CEACAM18: variants seen among roughly 807,000 people sequenced by gnomAD.
The protein encoded by CEACAM18 is cell adhesion molecule CEACAM18.
A neutral mutation model predicts 34.3 loss-of-function variants in CEACAM18; 33 were observed. That is an observed-to-expected ratio of 0.96 (90% confidence interval 0.73 to 1.29). The LOEUF (loss-of-function observed/expected upper bound fraction) is 1.29. Ranked by LOEUF, CEACAM18 falls within the 50% of genes most tolerant of loss-of-function variation. The pLI, the probability that CEACAM18 is intolerant of heterozygous loss-of-function variation, is 0.00. For synonymous variants in CEACAM18, 169 were observed against 180.9 expected (o/e 0.93, Z 0.53); for missense variants, 474 against 485.0 (o/e 0.98, Z 0.21).
In CEACAM18 at chr19:51,478,940, A is replaced by ACACGCG. The variant is rs376187133; in HGVS notation, c.52+247_52+248insACGCGC. 2.3e-3 allele frequency among the ~76,000 whole-genome samples: 318 copies of ACACGCG among 139,348 alleles called. 5 individuals are homozygous for ACACGCG. In the East Asian group the frequency reaches 0.033, roughly 15 times the overall value. The allele number at this position is 139,348 out of a possible 152,430, so 91.4% of individuals were successfully genotyped here. A position where few individuals can be genotyped will look rare whatever the true frequency, so the allele number is the denominator to read the frequency against. On this transcript the variant is annotated intron_variant, in intron 1 of 5. Coordinates refer to ENST00000396477, the Ensembl canonical transcript of CEACAM18. ...CCCACACATGTGGTGTTACACACAC[A>ACACGCG]CGCACACGCACATGCACACACACAC...
chr19:51,481,724 T>C lies in CEACAM18; in HGVS notation c.673+59T>C, dbSNP rs532790176. Reference sequence around the variant, plus strand: ...GGCTGGTCTCAGGGCTTTCTAGGGATAGGAATATGTTAGGACAGGCTGAGC... The same window carrying C: ...GGCTGGTCTCAGGGCTTTCTAGGGACAGGAATATGTTAGGACAGGCTGAGC... On this transcript the variant is annotated intron_variant, in intron 3 of 5. Coordinates refer to ENST00000396477, the Ensembl canonical transcript of CEACAM18. 3.2e-6 allele frequency: 5 copies of C among 1,540,348 alleles called. No homozygotes were observed. The South Asian group carries it at 5.0e-5, about 15-fold the overall frequency.
intron 4 of CEACAM18, among the ~76,000 whole-genome samples, chr19:51,484,258 C>A (rs537254229): frequency 6.6e-6 from 1 of 151,938 alleles, no homozygotes; most frequent in African/African-American, 2.4e-5. Context: ...TCCAAGTCAT[C>A]GATTCACATT....
intron 4 of CEACAM18, among the ~76,000 whole-genome samples, chr19:51,483,548 A>G (rs924189926): frequency 2.0e-5 from 3 of 151,824 alleles, no homozygotes; most frequent in Non-Finnish European, 4.4e-5. Flanking sequence ...AGCACTTACT[A>G]TGTGCCCGCC....
chr19:51,483,139 C>A (rs973333412), exon 4 of CEACAM18: 1 of 1,613,890 alleles, frequency 6.2e-7, no homozygotes, highest in African/African-American at 1.3e-5. Context: ...TCTCAAGTAC[C>A]ACTGGATCCA....
intron 5 of CEACAM18, among the ~76,000 whole-genome samples, chr19:51,488,042 A>G (rs1417801453): frequency 6.6e-6 from 1 of 152,180 alleles, no homozygotes; most frequent in African/African-American, 2.4e-5. Flanking sequence ...TAAAAACAAA[A>G]CCAAACAAAA....
intron 5 of CEACAM18, among the ~76,000 whole-genome samples, chr19:51,490,021 G>A (rs891411757): frequency 6.6e-6 from 1 of 152,104 alleles, no homozygotes; most frequent in Non-Finnish European, 1.5e-5. Context: ...GTTCTCTATG[G>A]TCTGGGGCCT....
At chr19:51,490,885 T>TTGGG (rs988300298) in exon 6 of CEACAM18, 8 of 368,562 alleles carry the variant, frequency 2.2e-5, no homozygotes, top group African/African-American at 1.7e-4. Context: ...GGTCAATGGG[T>TTGGG]TGCAGGTCGG....
intron 4 of CEACAM18, 83 bp from the exon 5 acceptor site, chr19:51,484,904 G>T (rs1989974910): frequency 6.8e-7 from 1 of 1,461,492 alleles, no homozygotes; most frequent in African/African-American, 1.4e-5. Context: ...TTTGAAGAAT[G>T]GATATGTGGG....
chr19:51,487,454 ACAGACAC>A (rs1990024224), intron 5 of CEACAM18, among the ~76,000 whole-genome samples: 1 of 152,196 alleles, frequency 6.6e-6, no homozygotes, highest in South Asian at 2.1e-4. Context: ...AGCCTGGGCA[ACAGACAC>A]CCTGTATAAA....
At position 51,481,264 on chromosome 19, in the gene CEACAM18, C is replaced by CTGAGGGATG. The variant is rs1405676801; in HGVS notation, c.401-129_401-128insTGAGGGATG. 5.9e-6 allele frequency: 6 copies of CTGAGGGATG among 1,008,886 alleles called. No homozygotes were observed. In the African/African-American group the frequency reaches 9.8e-5, roughly 16 times the overall value. 62.5% of individuals were successfully genotyped at this position (1,008,886 alleles called of 1,614,324 possible). A position where few individuals can be genotyped will look rare whatever the true frequency, so the allele number is the denominator to read the frequency against. The stretch of plus-strand genomic sequence containing the variant: ...TCCTCTGCCCTTCTCAGCTCCCTTG[C>CTGAGGGATG]CAGGATGCCAGATCTTATCTTACAG... On this transcript the variant is annotated intron_variant, in intron 2 of 5. Coordinates refer to ENST00000396477, the Ensembl canonical transcript of CEACAM18.
intron 5 of CEACAM18, among the ~76,000 whole-genome samples, chr19:51,485,411 T>TA (rs1048123801): frequency 3.9e-5 from 6 of 152,182 alleles, no homozygotes; most frequent in Non-Finnish European, 7.4e-5. Context: ...GAGGGACAGG[T>TA]AAAAAAATGA....
At position 51,479,785 on chromosome 19, in the gene CEACAM18, T is replaced by C. The variant is rs1258344372; in HGVS notation, c.53-548T>C. ...AGCCTGGAGTTAGGAGAAGGTGTGG[T>C]GCACCAAGAGAGCTATGTAGAGGCC... is the stretch of plus-strand genomic sequence containing the variant. On this transcript the variant is annotated intron_variant, in intron 1 of 5. Coordinates refer to ENST00000396477, the Ensembl canonical transcript of CEACAM18. Among the ~76,000 whole-genome samples, 5 of 152,228 alleles carry C rather than the reference T, an allele frequency of 3.3e-5. No individual in the cohort carries two copies. In the East Asian group the frequency reaches 7.7e-4, roughly 24 times the overall value.
At chr19:51,484,602 T>C (rs1989970043) in intron 4 of CEACAM18, among the ~76,000 whole-genome samples, 1 of 104,222 alleles carries the variant, frequency 9.6e-6, no homozygotes, top group Non-Finnish European at 2.3e-5. Context: ...TTGTCCTCAG[T>C]GCTTGGCACA....
At chr19:51,490,912 A>T in exon 6 of CEACAM18, 1 of 339,018 alleles carries the variant, frequency 2.9e-6, no homozygotes, top group Non-Finnish European at 5.3e-6. Flanking sequence ...CCATGCGCAA[A>T]GCTGGGCTCT....
At chr19:51,489,059 A>G (rs923992998) in intron 5 of CEACAM18, among the ~76,000 whole-genome samples, 2 of 151,350 alleles carry the variant, frequency 1.3e-5, no homozygotes, top group African/African-American at 4.9e-5. Flanking sequence ...ATTTCTTCAG[A>G]CGAAAAGTTT....
At chr19:51,484,607 G>T (rs1989970124) in intron 4 of CEACAM18, among the ~76,000 whole-genome samples, 1 of 102,534 alleles carries the variant, frequency 9.8e-6, no homozygotes, top group Non-Finnish European at 2.4e-5. Flanking sequence ...CTCAGTGCTT[G>T]GCACAGTGTG....
At chr19:51,490,709 G>A in exon 6 of CEACAM18, 1 of 980,624 alleles carries the variant, frequency 1.0e-6, no homozygotes, top group Non-Finnish European at 1.3e-6. Flanking sequence ...GGCTGAAAAG[G>A]GTCCAGGGTC....
chr19:51,480,269 T>C (rs1326152810), intron 1 of CEACAM18, 64 bp from the exon 2 acceptor site: 2 of 1,317,476 alleles, frequency 1.5e-6, no homozygotes, highest in Non-Finnish European at 2.1e-6. Context: ...TTTTTCCTTG[T>C]CTTCTCAGCC....
At chr19:51,487,576 C>T (rs540883384) in intron 5 of CEACAM18, among the ~76,000 whole-genome samples, 1 of 152,210 alleles carries the variant, frequency 6.6e-6, no homozygotes, top group African/African-American at 2.4e-5. Context: ...ACCAGCCTGG[C>T]CAACATAGTG....
Sources: allele counts gnomAD v4.1 joint callset (sites outside exome capture counted in the v4.1 genomes callset), GRCh38; gene constraint gnomAD v4.1.1; transcripts MANE v1.5; gene names NCBI Gene and HGNC (gene_info 2026-07-23, HGNC 2026-07-21).